SGTB: variants seen among roughly 807,000 people sequenced by gnomAD.
The protein encoded by SGTB is small glutamine-rich tetratricopeptide repeat-containing protein beta.
SGTB carries 19 observed loss-of-function variants against 43.9 expected under a neutral mutation model. That is an observed-to-expected ratio of 0.43 (90% CI 0.30 to 0.63). The LOEUF (loss-of-function observed/expected upper bound fraction) is 0.63. Among genes scored for constraint, SGTB ranks in the 30% least tolerant of loss-of-function variants. SGTB has a pLI of 0.12. For synonymous variants in SGTB, 116 were observed against 117.3 expected, an observed-to-expected ratio of 0.99 and a Z score of 0.07; for missense variants, 304 against 358.9, an observed-to-expected ratio of 0.85 and a Z score of 1.24.
rs773006561 is a variant in SGTB, at chr5:65,712,947, T to G, written c.204+14A>C. The G allele has an allele frequency of 6.3e-7, 1 of 1,592,170 alleles. No homozygotes were observed. The highest frequency in any genetic ancestry group is 8.6e-7 in the Non-Finnish European group (1 of 1,165,698). ...GTCATATCAGTTAATAATGAGAAAA[T>G]AATGACAACATACCTTACAGAAGGA... On this transcript the variant is annotated intron_variant, in intron 3 of 10. Transcript: ENST00000381007.
chr5:65,695,949 G>A (rs1381726933), intron 5 of SGTB, among the ~76,000 whole-genome samples: 1 of 152,192 alleles, frequency 6.6e-6, no homozygotes, highest in African/African-American at 2.4e-5. Flanking sequence ...GCTAGTAAGT[G>A]CAGAACAGAG....
chr5:65,680,831 A>C (rs769427214), intron 6 of SGTB, 37 bp from the exon 7 acceptor site: 2 of 1,590,972 alleles, frequency 1.3e-6, no homozygotes, highest in Non-Finnish European at 1.7e-6. Context: ...CAGATATATG[A>C]TTAAAGAACA....
chr5:65,707,473 T>G (rs1234003860), intron 4 of SGTB, among the ~76,000 whole-genome samples: 1 of 151,078 alleles, frequency 6.6e-6, no homozygotes, highest in African/African-American at 2.4e-5. Flanking sequence ...TCTCCCTCTG[T>G]TGCCAGGTTG....
At chr5:65,720,088 T>TC in intron 2 of SGTB, among the ~76,000 whole-genome samples, 1 of 145,712 alleles carries the variant, frequency 6.9e-6, no homozygotes, top group East Asian at 1.9e-4. Flanking sequence ...TTTCTTTTTT[T>TC]TTTTTTTTTT....
intron 6 of SGTB, 59 bp from the exon 7 acceptor site, chr5:65,680,853 C>T: frequency 6.7e-7 from 1 of 1,493,018 alleles, no homozygotes; most frequent in East Asian, 2.3e-5. Flanking sequence ...CAGGACATCA[C>T]AAACATCGTC....
chr5:65,672,715 T>C (rs1055356896), intron 8 of SGTB, among the ~76,000 whole-genome samples: 3 of 152,200 alleles, frequency 2.0e-5, no homozygotes, highest in Non-Finnish European at 2.9e-5. Context: ...AGGAATTATA[T>C]TTATGTGCAC....
rs541463077 is a variant in SGTB, at chr5:65,670,005, C to T, written c.*241G>A. 11 of 416,964 alleles carry T rather than the reference C, an allele frequency of 2.6e-5. No homozygotes were observed. Among genetic ancestry groups the T allele is most frequent in the East Asian group, 7.9e-5 (2 of 25,342 alleles). 25.8% of individuals were successfully genotyped at this position (416,964 alleles called of 1,614,324 possible). A position where few individuals can be genotyped will look rare whatever the true frequency, so the allele number is the denominator to read the frequency against. ...ACCTTATCCCAGTGCTATATTGGCA[C>T]GTAACATGGCTAGTGATCATTTCAA... On this transcript the variant is annotated 3_prime_UTR_variant, in exon 11 of 11. Coordinates refer to ENST00000381007, the MANE Select transcript of SGTB (RefSeq NM_019072.3).
chr5:65,705,400 C>A (rs188789806), intron 4 of SGTB, among the ~76,000 whole-genome samples: 1 of 152,138 alleles, frequency 6.6e-6, no homozygotes, highest in East Asian at 1.9e-4. Context: ...CTGCAGTGAG[C>A]CATGATTGTG....
chr5:65,719,065 T>C (rs1758204337), intron 2 of SGTB, among the ~76,000 whole-genome samples: 1 of 152,180 alleles, frequency 6.6e-6, no homozygotes, highest in African/African-American at 2.4e-5. Context: ...AATGGACTGA[T>C]TGCAATGTTC....
At chr5:65,688,842 C>T (rs144523663) in intron 5 of SGTB, among the ~76,000 whole-genome samples, 3 of 152,156 alleles carry the variant, frequency 2.0e-5, no homozygotes, top group African/African-American at 7.2e-5. Flanking sequence ...TGGAGTCTTG[C>T]TCTGTCGCCC....
intron 5 of SGTB, among the ~76,000 whole-genome samples, chr5:65,694,729 C>T (rs1442552438): frequency 1.3e-5 from 2 of 152,048 alleles, no homozygotes; most frequent in African/African-American, 4.8e-5. Context: ...TCACCCACCT[C>T]GGCCTCCCAA....
At chr5:65,677,023 A>G (rs1757279887) in intron 8 of SGTB, among the ~76,000 whole-genome samples, 1 of 151,966 alleles carries the variant, frequency 6.6e-6, no homozygotes, top group Admixed American at 6.6e-5. Context: ...TCAAAAAAAA[A>G]AAAAATGAAT....
chr5:65,722,735 A>G (rs910486361), upstream of SGTB: 1 of 373,896 alleles, frequency 2.7e-6, no homozygotes, highest in Non-Finnish European at 4.9e-6. Flanking sequence ...TTCACGTTCA[A>G]TCCCAATGCA....
chr5:65,678,367 A>C (rs1291628827), intron 8 of SGTB, among the ~76,000 whole-genome samples: 1 of 152,230 alleles, frequency 6.6e-6, no homozygotes, highest in African/African-American at 2.4e-5. Context: ...CAAGTGGAAA[A>C]ACACTCCATG....
intron 5 of SGTB, among the ~76,000 whole-genome samples, chr5:65,692,051 T>G (rs900398276): frequency 2.6e-5 from 4 of 152,038 alleles, no homozygotes; most frequent in Non-Finnish European, 2.9e-5. Flanking sequence ...GGTAACTGAT[T>G]ATAACATATT....
At position 65,680,534 on chromosome 5, in the gene SGTB, T is replaced by A; in HGVS notation, c.641A>T (p.Asp214Val). The change falls in exon 8 of 11, where the codon GAC becomes GTC. Residue 214 changes from aspartate (D) to valine (V), a missense_variant. Transcript: ENST00000381007. ...SSPTGTGLSF[D>V]MASLINNPAF... ...TGGATTATTTATCAAGCTAGCCATG[T>A]CAAAGCTCAGTCCAGTTCCTGTCTG... The A allele has an allele frequency of 6.2e-7, 1 of 1,614,176 alleles. No individual in the cohort carries two copies. Among genetic ancestry groups the A allele is most frequent in the Non-Finnish European group, 8.5e-7 (1 of 1,180,018 alleles).
chr5:65,675,140 A>G (rs956348091), intron 8 of SGTB, among the ~76,000 whole-genome samples: 1 of 152,252 alleles, frequency 6.6e-6, no homozygotes, highest in Non-Finnish European at 1.5e-5. Flanking sequence ...CCACTAAATC[A>G]AAGTTACCAC....
At chr5:65,718,806 T>C (rs1758198104) in intron 2 of SGTB, among the ~76,000 whole-genome samples, 1 of 152,130 alleles carries the variant, frequency 6.6e-6, no homozygotes, top group African/African-American at 2.4e-5. Context: ...TGAAGGCACA[T>C]ATTTTTGGCT....
At chr5:65,695,718 C>G (rs1757702754) in intron 5 of SGTB, among the ~76,000 whole-genome samples, 2 of 152,146 alleles carry the variant, frequency 1.3e-5, no homozygotes, top group Admixed American at 1.3e-4. Context: ...TCACATTTCT[C>G]ACATCATGCA....
Sources: gnomAD v4.1 joint callset for allele counts (sites outside exome capture counted in the v4.1 genomes callset) on GRCh38, gnomAD v4.1.1 for gene constraint, MANE v1.5 for transcripts, NCBI Gene and HGNC (gene_info 2026-07-23, HGNC 2026-07-21) for gene names.